The following LRP1B variants were observed in gnomAD, a reference collection of about 807,000 sequenced individuals.
LRP1B encodes the protein LDL receptor related protein 1B, also known as low-density lipoprotein receptor-related protein 1B.
In LRP1B, 217 loss-of-function variants were observed where a neutral mutation model predicts 556.6. The ratio of observed to expected loss-of-function variants is 0.39; its 90% CI spans 0.35 to 0.44. The LOEUF (loss-of-function observed/expected upper bound fraction) is 0.44. Among genes scored for constraint, LRP1B ranks in the 20% least tolerant of loss-of-function variants. The probability of loss-of-function intolerance (pLI) is 1.00; values close to 1 mark genes in which losing one functional copy is unlikely to be tolerated. For synonymous variants in LRP1B, 2,047 were observed against 1,865.8 expected, an observed-to-expected ratio of 1.10 and a Z score of -2.50; for missense variants, 5,053 against 5,620.8, an observed-to-expected ratio of 0.90 and a Z score of 3.23.
chr2:140,523,233 T>C (rs1050072193), intron 49 of LRP1B, among the ~76,000 whole-genome samples: 2 of 152,062 alleles, frequency 1.3e-5, no homozygotes, highest in Admixed American at 6.6e-5. Context: ...TCCAGGTCGG[T>C]GCAACATATG....
At chr2:141,733,829 T>C (rs1693366775) in intron 2 of LRP1B, among the ~76,000 whole-genome samples, 1 of 152,156 alleles carries the variant, frequency 6.6e-6, no homozygotes, top group Non-Finnish European at 1.5e-5. Flanking sequence ...TTCAGACTAC[T>C]ATCAAGTGTT....
At chr2:141,772,711 A>G (rs1238082365) in intron 2 of LRP1B, among the ~76,000 whole-genome samples, 1 of 152,232 alleles carries the variant, frequency 6.6e-6, no homozygotes, top group Non-Finnish European at 1.5e-5. Flanking sequence ...GAATACTCAT[A>G]GCCCTGGGGT....
At chr2:141,467,114 A>ATATATATATATG (rs1682252171) in intron 3 of LRP1B, among the ~76,000 whole-genome samples, 5 of 2,398 alleles carry the variant, frequency 2.1e-3, no homozygotes, top group African/African-American at 3.7e-3. Context: ...ATATATATAT[A>ATATATATATATG]TATATATATC....
At chr2:141,771,408 T>C (rs1435301871) in intron 2 of LRP1B, among the ~76,000 whole-genome samples, 8 of 152,216 alleles carry the variant, frequency 5.3e-5, no homozygotes, top group Non-Finnish European at 1.0e-4. Flanking sequence ...AGTCACTTGG[T>C]CTGTTAATCT....
At chr2:142,058,405 C>T (rs2104886684) in intron 1 of LRP1B, among the ~76,000 whole-genome samples, 1 of 152,268 alleles carries the variant, frequency 6.6e-6, no homozygotes, top group East Asian at 1.9e-4. Context: ...AGCGGGTATC[C>T]TGCTGTTCTT....
At chr2:140,372,826 CA>C (rs2105170306) in intron 69 of LRP1B, among the ~76,000 whole-genome samples, 181 bp downstream of exon 69, 1 of 152,046 alleles carries the variant, frequency 6.6e-6, no homozygotes, top group Non-Finnish European at 1.5e-5. Context: ...TCTTATTTTC[CA>C]AAACACTTTC....
At chr2:140,936,750 T>C (rs1314269573) in intron 20 of LRP1B, among the ~76,000 whole-genome samples, 1 of 152,172 alleles carries the variant, frequency 6.6e-6, no homozygotes, top group Non-Finnish European at 1.5e-5. Context: ...TATTGTACCT[T>C]TTGTTTGCAA....
chr2:141,453,335 C>T (rs1295237407), intron 3 of LRP1B, among the ~76,000 whole-genome samples: 3 of 152,172 alleles, frequency 2.0e-5, no homozygotes, highest in African/African-American at 7.2e-5. Flanking sequence ...TTTGTTAACA[C>T]TATTCCATTC....
chr2:140,920,857 T>G (rs2105254434), intron 21 of LRP1B, among the ~76,000 whole-genome samples: 1 of 152,138 alleles, frequency 6.6e-6, no homozygotes. Flanking sequence ...GGATGTTTAA[T>G]TAAAAGCATT....
intron 7 of LRP1B, among the ~76,000 whole-genome samples, chr2:141,073,739 T>C (rs1303449930): frequency 2.0e-5 from 3 of 152,128 alleles, no homozygotes; most frequent in Admixed American, 2.0e-4. Flanking sequence ...TTCTATCCAA[T>C]GGTTTATTCC....
intron 2 of LRP1B, among the ~76,000 whole-genome samples, chr2:141,797,705 A>C (rs918191917): frequency 4.6e-5 from 7 of 152,112 alleles, no homozygotes; most frequent in African/African-American, 1.7e-4. Context: ...GTTCTGAAAA[A>C]ATTTTGTTGT....
At chr2:141,408,021 G>A (rs1690703490) in intron 3 of LRP1B, among the ~76,000 whole-genome samples, 1 of 152,002 alleles carries the variant, frequency 6.6e-6, no homozygotes, top group African/African-American at 2.4e-5. Flanking sequence ...GCTCAGCCTG[G>A]TTTTCAGGAG....
chr2:140,932,997 T>C (rs1337234376), intron 20 of LRP1B, among the ~76,000 whole-genome samples: 1 of 141,498 alleles, frequency 7.1e-6, no homozygotes, highest in African/African-American at 2.5e-5. Context: ...GCCAGAATGT[T>C]CCAGAGTATT....
chr2:142,025,868 G>A (rs10496911), intron 1 of LRP1B, among the ~76,000 whole-genome samples: 10,637 of 152,114 alleles, frequency 0.07, 465 homozygotes, highest in East Asian at 0.17. Context: ...GAGAAGGTTA[G>A]AGCAGGTTTC....
At chr2:140,882,148 G>A (rs1051256278) in intron 25 of LRP1B, among the ~76,000 whole-genome samples, 4 of 151,992 alleles carry the variant, frequency 2.6e-5, no homozygotes, top group Non-Finnish European at 5.9e-5. Flanking sequence ...CTTTTATTCA[G>A]AAAGTTTCCC....
intron 6 of LRP1B, among the ~76,000 whole-genome samples, chr2:141,212,520 G>C (rs952575678): frequency 6.6e-6 from 1 of 150,674 alleles, no homozygotes; most frequent in Admixed American, 6.6e-5. Context: ...TCCTGACCTC[G>C]TGATCTGCCC....
chr2:141,160,279 T>A lies in LRP1B; in HGVS notation c.1013+28142A>T, dbSNP rs181218339. Among the ~76,000 whole-genome samples the A allele has an allele frequency of 2.6e-5, 4 of 152,292 alleles. No homozygotes were observed. In the East Asian group the frequency reaches 7.7e-4, roughly 29 times the overall value. On this transcript the variant is annotated intron_variant, in intron 7 of 90. Coordinates refer to ENST00000389484, the MANE Select transcript of LRP1B (RefSeq NM_018557.3). ...TGACAATGTCAAGTGCTGGAGAATA[T>A]GTCTGAACAACTAGATCTCTCATAT...
At chr2:141,495,120 T>C (rs1683468119) in intron 2 of LRP1B, among the ~76,000 whole-genome samples, 1 of 151,984 alleles carries the variant, frequency 6.6e-6, no homozygotes, top group African/African-American at 2.4e-5. Context: ...GAAACATAAA[T>C]GAAACTCATA....
chr2:141,667,703 T>A (rs577679052), intron 2 of LRP1B, among the ~76,000 whole-genome samples: 26 of 152,314 alleles, frequency 1.7e-4, no homozygotes, highest in African/African-American at 5.8e-4. Context: ...CTCTACTACC[T>A]CTTCATTACA....
Sources: allele counts gnomAD v4.1 joint callset (sites outside exome capture counted in the v4.1 genomes callset), GRCh38; gene constraint gnomAD v4.1.1; transcripts MANE v1.5; gene names NCBI Gene and HGNC (gene_info 2026-07-23, HGNC 2026-07-21).